Variants in LDLRAD4 observed in about 807,000 individuals in gnomAD.
LDLRAD4 encodes the protein low density lipoprotein receptor class A domain containing 4.
LDLRAD4 carries 5 observed loss-of-function variants against 17.0 expected under a neutral mutation model. The ratio of observed to expected loss-of-function variants is 0.29; its 90% CI spans 0.15 to 0.62. The LOEUF (loss-of-function observed/expected upper bound fraction) is 0.62, where lower values mean the gene tolerates loss of function less well. Among genes scored for constraint, LDLRAD4 ranks in the 20% least tolerant of loss-of-function variants. The pLI, the probability that LDLRAD4 is intolerant of heterozygous loss-of-function variation, is 0.84. For missense variants in LDLRAD4, 340 were observed against 424.7 expected (o/e 0.80, Z 1.75); for synonymous variants, 168 against 171.8 (o/e 0.98, Z 0.17).
rs910301065 is a variant in LDLRAD4, at chr18:13,427,588, G to A, written c.41-10656G>A. 14 of 152,250 alleles carry A rather than the reference G, an allele frequency of 9.2e-5. 1 individual carries two copies. The East Asian group carries it at 1.2e-3, about 13-fold the overall frequency. The allele number at this position is 152,250 out of a possible 1,614,324, so 9.4% of individuals were successfully genotyped here. ...AGTCCAGGGCTTCAGCCAGACAATG[G>A]ATTTTCTCTCCAAAACACACAGTGT... On this transcript the variant is annotated intron_variant, in intron 2 of 5. Coordinates refer to ENST00000359446, the Ensembl canonical transcript of LDLRAD4.
chr18:13,312,216 T>C (rs2047278540), intron 1 of LDLRAD4, among the ~76,000 whole-genome samples: 1 of 152,186 alleles, frequency 6.6e-6, no homozygotes, highest in African/African-American at 2.4e-5. Flanking sequence ...TTAAACTTCA[T>C]TTCATGCACA....
At chr18:13,461,742 A>G (rs556356419) in intron 3 of LDLRAD4, among the ~76,000 whole-genome samples, 2 of 152,314 alleles carry the variant, frequency 1.3e-5, no homozygotes, top group South Asian at 4.1e-4. Context: ...GCAAAGTTAC[A>G]AAGTTACACC....
intron 3 of LDLRAD4, among the ~76,000 whole-genome samples, chr18:13,449,991 T>A (rs992455019): frequency 7.9e-5 from 12 of 152,246 alleles, no homozygotes; most frequent in Middle Eastern, 3.4e-3. Flanking sequence ...TCACGTGACT[T>A]TTTGTGGAAG....
intron 1 of LDLRAD4, among the ~76,000 whole-genome samples, chr18:13,233,869 T>G (rs1228850371): frequency 6.6e-6 from 1 of 152,016 alleles, no homozygotes; most frequent in African/African-American, 2.4e-5. Flanking sequence ...ACTGAACTCT[T>G]ACTCCCCCAG....
At chr18:13,311,981 A>G (rs1184208348) in intron 1 of LDLRAD4, among the ~76,000 whole-genome samples, 2 of 151,808 alleles carry the variant, frequency 1.3e-5, no homozygotes, top group African/African-American at 4.8e-5. Context: ...ACAGGCGCCC[A>G]CCACCACACC....
intron 3 of LDLRAD4, among the ~76,000 whole-genome samples, chr18:13,581,066 C>T (rs1257831306): frequency 1.3e-5 from 2 of 152,084 alleles, no homozygotes; most frequent in Non-Finnish European, 2.9e-5. Context: ...TGAGATATCT[C>T]GGGGATGGGG....
At chr18:13,547,132 C>A (rs1450505365) in intron 3 of LDLRAD4, among the ~76,000 whole-genome samples, 1 of 152,210 alleles carries the variant, frequency 6.6e-6, no homozygotes, top group Non-Finnish European at 1.5e-5. Context: ...TGTTAACCTG[C>A]TTTCTGTTAC....
At chr18:13,325,588 T>TGCCTCCTCTACTCTCCCTCTCC (rs1185504595) in intron 1 of LDLRAD4, among the ~76,000 whole-genome samples, 3 of 152,146 alleles carry the variant, frequency 2.0e-5, no homozygotes, top group Non-Finnish European at 1.5e-5. Context: ...AGCTGCTCAG[T>TGCCTCCTCTACTCTCCCTCTCC]GCCTCCTCTA....
chr18:13,235,445 C>T (rs1401721508), intron 1 of LDLRAD4, among the ~76,000 whole-genome samples: 2 of 152,190 alleles, frequency 1.3e-5, no homozygotes, highest in Non-Finnish European at 2.9e-5. Flanking sequence ...TCAAAGAAGA[C>T]TAAATGTTCG....
rs547711297 is a variant in LDLRAD4 at position 13,565,716 on chromosome 18, G to C, written c.182-55401G>C. Among the ~76,000 whole-genome samples the C allele has an allele frequency of 1.2e-3, 188 of 152,348 alleles. 1 individual carries two copies. Among genetic ancestry groups the C allele is most frequent in the Non-Finnish European group, 2.4e-3 (161 of 68,040 alleles). On this transcript the variant is annotated intron_variant, in intron 3 of 5. Transcript: ENST00000359446. Reference sequence around the variant, plus strand: ...TTTCTCTGCCATGGGAAGGAGATGGGTGTGCTCAATGGTGGCAGAGCTCTG... The same window carrying C: ...TTTCTCTGCCATGGGAAGGAGATGGCTGTGCTCAATGGTGGCAGAGCTCTG...
At chr18:13,401,897 C>T (rs1291531737) in intron 2 of LDLRAD4, among the ~76,000 whole-genome samples, 4 of 152,096 alleles carry the variant, frequency 2.6e-5, no homozygotes, top group African/African-American at 9.7e-5. Context: ...GACTGACTTC[C>T]CTGCTGGAAG....
chr18:13,429,766 C>T (rs2090200684), intron 2 of LDLRAD4, among the ~76,000 whole-genome samples: 7 of 152,260 alleles, frequency 4.6e-5, no homozygotes. Context: ...TGAGCCAGCG[C>T]TCAGGGTTCC....
intron 1 of LDLRAD4, among the ~76,000 whole-genome samples, chr18:13,222,181 C>A (rs1378059727): frequency 6.6e-6 from 1 of 152,142 alleles, no homozygotes; most frequent in Non-Finnish European, 1.5e-5. Context: ...TCTCCTACAA[C>A]GTCACTCCCC....
At chr18:13,396,608 T>TGGACTCCTCTTG (rs2086717562) in intron 2 of LDLRAD4, among the ~76,000 whole-genome samples, 2 of 151,996 alleles carry the variant, frequency 1.3e-5, no homozygotes, top group Non-Finnish European at 2.9e-5. Flanking sequence ...CTTGGCCTCT[T>TGGACTCCTCTTG]GAGTAGCTTG....
chr18:13,608,239 T>C (rs980628370), intron 3 of LDLRAD4, among the ~76,000 whole-genome samples: 2 of 152,092 alleles, frequency 1.3e-5, no homozygotes, highest in African/African-American at 2.4e-5. Flanking sequence ...TCACGCCAGT[T>C]AGAACGGCGA....
At chr18:13,393,142 A>G (rs780027131) in intron 2 of LDLRAD4, among the ~76,000 whole-genome samples, 1 of 152,094 alleles carries the variant, frequency 6.6e-6, no homozygotes, top group Non-Finnish European at 1.5e-5. Context: ...CTCCTCTGCA[A>G]GGTTGCACCT....
chr18:13,273,982 T>C (rs1312222115), upstream of LDLRAD4, among the ~76,000 whole-genome samples: 1 of 152,150 alleles, frequency 6.6e-6, no homozygotes, highest in Admixed American at 6.5e-5. Flanking sequence ...AGGACCCTGC[T>C]GTTGGAAACC....
intron 2 of LDLRAD4, among the ~76,000 whole-genome samples, chr18:13,412,511 C>G (rs956903117): frequency 6.6e-6 from 1 of 152,202 alleles, no homozygotes; most frequent in Non-Finnish European, 1.5e-5. Context: ...ATTCACTTCT[C>G]TCTCATCCAT....
chr18:13,262,301 T>A, intron 1 of LDLRAD4, among the ~76,000 whole-genome samples: 1 of 142,234 alleles, frequency 7.0e-6, no homozygotes, highest in African/African-American at 2.8e-5. Flanking sequence ...CTGAGTCCCG[T>A]GTGGCTCTGT....
Sources: allele counts gnomAD v4.1 joint callset (sites outside exome capture counted in the v4.1 genomes callset), GRCh38; gene constraint gnomAD v4.1.1; transcripts MANE v1.5; gene names NCBI Gene and HGNC (gene_info 2026-07-23, HGNC 2026-07-21).